The following FSTL4 variants were observed in gnomAD, a reference collection of about 807,000 sequenced individuals.
FSTL4 encodes follistatin like 4.
A neutral mutation model predicts 78.2 loss-of-function variants in FSTL4; 28 were observed. The observed-to-expected ratio is 0.36, with a 90% CI of 0.27 to 0.49. The LOEUF is 0.49. Among genes scored for constraint, FSTL4 ranks in the 20% least tolerant of loss-of-function variants. FSTL4 has a pLI of 0.98. For missense variants in FSTL4, 922 were observed against 1,084.9 expected (o/e 0.85, Z 2.11); for synonymous variants, 422 against 440.5 (o/e 0.96, Z 0.53).
chr5:133,347,002 GT>G (rs553201476), intron 4 of FSTL4, among the ~76,000 whole-genome samples: 3,216 of 151,366 alleles, frequency 0.021, 117 homozygotes, highest in African/African-American at 0.072. Flanking sequence ...CCCTCTAAAG[GT>G]TTTTTTTTAT....
chr5:133,605,636 G>C (rs556035249), intron 1 of FSTL4, among the ~76,000 whole-genome samples: 31 of 152,082 alleles, frequency 2.0e-4, no homozygotes, highest in Non-Finnish European at 3.5e-4. Context: ...TGCCCACAGG[G>C]AGGAGAAGTC....
At chr5:133,247,150 G>A (rs1436288235) in intron 7 of FSTL4, 3 of 152,216 alleles carry the variant, frequency 2.0e-5, no homozygotes, top group Admixed American at 6.5e-5. Context: ...CTGCTCCCTC[G>A]TGTAGGGGGT....
chr5:133,753,208 T>C, the FSTL4 span, among the ~76,000 whole-genome samples: 7 of 152,196 alleles, frequency 4.6e-5, no homozygotes, highest in African/African-American at 1.7e-4. Context: ...AGGGGCAGCC[T>C]TCTCCTCTGC....
the FSTL4 span, among the ~76,000 whole-genome samples, chr5:133,796,555 C>G: frequency 6.6e-6 from 1 of 152,220 alleles, no homozygotes; most frequent in South Asian, 2.1e-4. Flanking sequence ...ATGATCTTCC[C>G]CTGGAGCATG....
In FSTL4 at chr5:133,375,291, C is replaced by CATATATATATGTGTGTGTAT. The variant is rs67110507; in HGVS notation, c.409+25446_409+25447insATACACACACATATATATAT. Among the ~76,000 whole-genome samples the CATATATATATGTGTGTGTAT allele has an allele frequency of 1.4e-4, 8 of 57,914 alleles. 1 individual carries two copies. The highest frequency in any genetic ancestry group is 6.6e-4 in the South Asian group (1 of 1,512). The allele number at this position is 57,914 out of a possible 152,430, so 38.0% of individuals were successfully genotyped here. ...AACCCAAAACATAGGGTGTGCATGGCATATATATATATATATATATAAAAG... is the reference window on the plus strand; with the variant it reads ...AACCCAAAACATAGGGTGTGCATGGCATATATATATGTGTGTGTATATATATATATATATATATATAAAAG... On this transcript the variant is annotated intron_variant, in intron 4 of 15. Transcript: ENST00000265342.
At chr5:133,232,441 G>T (rs1291675235) in intron 8 of FSTL4, among the ~76,000 whole-genome samples, 1 of 152,158 alleles carries the variant, frequency 6.6e-6, no homozygotes, top group African/African-American at 2.4e-5. Context: ...ATAATGGGAA[G>T]GAGGCTCTCT....
At chr5:133,556,031 A>G (rs981990054) in intron 3 of FSTL4, among the ~76,000 whole-genome samples, 16 of 152,222 alleles carry the variant, frequency 1.1e-4, no homozygotes, top group African/African-American at 3.9e-4. Flanking sequence ...CAGCAGCAAG[A>G]CACAGCTCCC....
chr5:133,783,650 A>C, the FSTL4 span, among the ~76,000 whole-genome samples: 1 of 152,184 alleles, frequency 6.6e-6, no homozygotes, highest in African/African-American at 2.4e-5. Flanking sequence ...CTTTGTCATC[A>C]GCTCACAAAA....
chr5:133,465,852 G>T (rs1375826785), intron 3 of FSTL4, among the ~76,000 whole-genome samples: 1 of 152,234 alleles, frequency 6.6e-6, no homozygotes, highest in Non-Finnish European at 1.5e-5. Context: ...AACTCTAACA[G>T]GGATACTGGA....
intron 2 of FSTL4, among the ~76,000 whole-genome samples, chr5:133,589,463 G>A (rs564210215): frequency 6.6e-6 from 1 of 152,178 alleles, no homozygotes; most frequent in Non-Finnish European, 1.5e-5. Context: ...TGTGAGGGCA[G>A]TAGCTGCCAA....
At chr5:133,644,668 G>A in the FSTL4 span, among the ~76,000 whole-genome samples, 4 of 152,174 alleles carry the variant, frequency 2.6e-5, no homozygotes, top group African/African-American at 7.2e-5. Context: ...GTGACAGCCC[G>A]ATTATTTGAA....
At chr5:133,355,178 G>A (rs1207098583) in intron 4 of FSTL4, among the ~76,000 whole-genome samples, 1 of 152,238 alleles carries the variant, frequency 6.6e-6, no homozygotes, top group Non-Finnish European at 1.5e-5. Flanking sequence ...AGACGTCTGT[G>A]CAGCCTGGCT....
At chr5:133,214,683 A>T (rs187470004) in intron 13 of FSTL4, among the ~76,000 whole-genome samples, 1 of 152,282 alleles carries the variant, frequency 6.6e-6, no homozygotes, top group East Asian at 1.9e-4. Context: ...TTGTGCCTGG[A>T]TGTAAGATAT....
chr5:133,382,320 TG>T (rs1029807650), intron 4 of FSTL4, among the ~76,000 whole-genome samples: 1 of 152,216 alleles, frequency 6.6e-6, no homozygotes, highest in African/African-American at 2.4e-5. Flanking sequence ...AAACTTTTAC[TG>T]GGGTGCCGAG....
intron 4 of FSTL4, among the ~76,000 whole-genome samples, chr5:133,383,001 C>A (rs1437235336): frequency 6.6e-6 from 1 of 152,126 alleles, no homozygotes; most frequent in Non-Finnish European, 1.5e-5. Flanking sequence ...ATTCAGGTGG[C>A]TGGAGCAGGC....
At chr5:133,747,966 G>A in the FSTL4 span, among the ~76,000 whole-genome samples, 2 of 152,176 alleles carry the variant, frequency 1.3e-5, no homozygotes, top group East Asian at 1.9e-4. Flanking sequence ...GGAGGCTGAG[G>A]CAGGCAGATC....
chr5:133,423,957 C>A (rs1284058685), intron 3 of FSTL4, among the ~76,000 whole-genome samples: 1 of 152,198 alleles, frequency 6.6e-6, no homozygotes, highest in Non-Finnish European at 1.5e-5. Context: ...TGAGGAACAG[C>A]GCTGGGGTCC....
chr5:133,592,040 C>T (rs1439635542), intron 2 of FSTL4, among the ~76,000 whole-genome samples: 2 of 152,118 alleles, frequency 1.3e-5, no homozygotes, highest in Non-Finnish European at 2.9e-5. Context: ...ACAGATATGG[C>T]CCTATTCCAC....
the FSTL4 span, among the ~76,000 whole-genome samples, chr5:133,779,829 G>T: frequency 6.6e-6 from 1 of 152,210 alleles, no homozygotes; most frequent in African/African-American, 2.4e-5. Context: ...CTCAGGGTCT[G>T]TCCCAGGTTT....
Sources: allele counts gnomAD v4.1 joint callset (sites outside exome capture counted in the v4.1 genomes callset), GRCh38; gene constraint gnomAD v4.1.1; transcripts MANE v1.5; gene names NCBI Gene and HGNC (gene_info 2026-07-23, HGNC 2026-07-21).